The following VARS2 variants were observed in gnomAD, a reference collection of about 807,000 sequenced individuals.
VARS2 encodes the protein valyl-tRNA synthetase 2, mitochondrial, also known as valine--tRNA ligase, mitochondrial.
In VARS2, 105 loss-of-function variants were observed where a neutral mutation model predicts 154.1. That is an observed-to-expected ratio of 0.68 (90% CI 0.58 to 0.80). The LOEUF (loss-of-function observed/expected upper bound fraction) is 0.80, where lower values mean the gene tolerates loss of function less well. Among genes scored for constraint, VARS2 ranks in the 30% least tolerant of loss-of-function variants. The pLI is 0.00. For missense variants in VARS2, 1,157 were observed against 1,361.4 expected, an observed-to-expected ratio of 0.85 and a Z score of 2.36; for synonymous variants, 483 against 539.5, an observed-to-expected ratio of 0.90 and a Z score of 1.45.
At chr6:30,914,504 C>A in intron 1 of VARS2, 160 bp downstream of exon 1, 1 of 1,335,278 alleles carries the variant, frequency 7.5e-7, no homozygotes, top group South Asian at 2.1e-5. Flanking sequence ...GGACTCCTTG[C>A]TGGCTCTTGG....
At position 30,919,862 on chromosome 6, in the gene VARS2, A is replaced by G; in HGVS notation, c.1165+14A>G. 6.5e-7 allele frequency: 1 copy of G among 1,544,838 alleles called. No individual in the cohort carries two copies. The highest frequency in any genetic ancestry group is 8.8e-7 in the Non-Finnish European group (1 of 1,142,360). On this transcript the variant is annotated intron_variant, in intron 12 of 29. Transcript: ENST00000676266. The surrounding 1 kb of genome is among the most constrained non-coding windows in gnomAD (Gnocchi z 4.5). ...ATGTGGGCACGGGTGAGTGGAAGTC[A>G]GGGGAGGGAGAGAAAGTTGGGGGTC...
chr6:30,924,377 G>A lies in VARS2; in HGVS notation c.2490G>A (p.Trp830Ter). ...VYLEAVKPVL[W>*]HSPRPLGPPQ... ...AGGAGGCTGTGAAGCCCGTGCTGTG[G>A]CACTCGCCCCGCCCCCTGGGGCCCC... Residue 830 changes from tryptophan (W) to a stop codon, truncating the protein, a stop_gained, in exon 26 of 30, where the codon TGG (tryptophan) becomes TGA (stop). Transcript: ENST00000676266. LOFTEE classifies it high-confidence loss of function. The A allele has an allele frequency of 6.2e-7, 1 of 1,612,264 alleles. No individual in the cohort carries two copies. The highest frequency in any genetic ancestry group is 8.5e-7 in the Non-Finnish European group (1 of 1,179,978).
At position 30,914,662 on chromosome 6, in the gene VARS2, C is replaced by G. The variant is rs1794031599; in HGVS notation, c.-27-148C>G. 3 of 1,064,376 alleles carry G rather than the reference C, an allele frequency of 2.8e-6. 1 individual carries two copies. In the South Asian group the frequency reaches 5.0e-5, roughly 18 times the overall value. The allele number at this position is 1,064,376 out of a possible 1,614,324, so 65.9% of individuals were successfully genotyped here. On this transcript the variant is annotated intron_variant, in intron 1 of 29. Coordinates refer to ENST00000676266, the MANE Select transcript of VARS2 (RefSeq NM_020442.6). Reference sequence around the variant, plus strand: ...GCGCTGTCTGTCGATACCATGCACTCTAGCTCTCAAGGAGGAAAGGTTTTG... The same window carrying G: ...GCGCTGTCTGTCGATACCATGCACTGTAGCTCTCAAGGAGGAAAGGTTTTG...
rs1794430157 is a variant in VARS2, at chr6:30,920,359, A to G, written c.1320A>G (p.Glu440=). Residue 440 remains glutamate, a synonymous_variant, in exon 14 of 30, where the codon GAA becomes GAG. Coordinates refer to ENST00000676266, the MANE Select transcript of VARS2 (RefSeq NM_020442.6). This position sits in a 1 kb window ranked among gnomAD's most constrained non-coding sequence, Gnocchi z 4.6. ...GTCTTCACCGGTTTGTGGCCCGGGA[A>G]AAGATAATGTCTGTGCTGAGTGAAT... is the stretch of plus-strand genomic sequence containing the variant. The part of the protein sequence containing the change: ...LQGLHRFVAR[E]KIMSVLSEWG... 6.2e-7 allele frequency: 1 copy of G among 1,613,082 alleles called. No individual in the cohort carries two copies. The highest frequency in any genetic ancestry group is 8.5e-7 in the Non-Finnish European group (1 of 1,179,586).
In VARS2 at chr6:30,920,569, A is replaced by G. The variant is rs1794446565; in HGVS notation, c.1398-99A>G. On this transcript the variant is annotated intron_variant, in intron 14 of 29. Transcript: ENST00000676266. This position sits in a 1 kb window ranked among gnomAD's most constrained non-coding sequence, Gnocchi z 4.6. ...CCGTGTCGGTTTTATTCGCTATTGT[A>G]TCCTCAGTACCAAGGGCCTGGCATG... The G allele has an allele frequency of 2.2e-6, 3 of 1,353,144 alleles. No homozygotes were observed. The highest frequency in any genetic ancestry group is 2.0e-6 in the Non-Finnish European group (2 of 999,226). The allele number at this position is 1,353,144 out of a possible 1,614,324, so 83.8% of individuals were successfully genotyped here.
intron 28 of VARS2, 51 bp from the exon 29 acceptor site, chr6:30,925,829 A>G: frequency 6.2e-7 from 1 of 1,611,246 alleles, no homozygotes; most frequent in African/African-American, 1.3e-5. Context: ...TGGAGGATGG[A>G]GGCCTGGCAG....
chr6:30,925,209 C>A, intron 26 of VARS2, 65 bp from the exon 27 acceptor site: 1 of 1,245,644 alleles, frequency 8.0e-7, no homozygotes. Context: ...AGAAGAGAGC[C>A]AGCAGGGTTG....
Position 30,920,071 on chromosome 6 carries a change from A to G in VARS2, c.1166-18A>G, listed in dbSNP as rs1282380016. On this transcript the variant is annotated intron_variant, in intron 12 of 29. Coordinates refer to ENST00000676266, the MANE Select transcript of VARS2 (RefSeq NM_020442.6). This position sits in a 1 kb window ranked among gnomAD's most constrained non-coding sequence, Gnocchi z 4.6. ...GCCAAGGTCAGGTTCAGTACTCACC[A>G]TGGCTGTGCTCCCCAAGGGGCAGTG... 2 of 1,525,172 alleles carry G rather than the reference A, an allele frequency of 1.3e-6. No homozygotes were observed. Among genetic ancestry groups the G allele is most frequent in the African/African-American group, 2.8e-5 (2 of 72,086 alleles). The allele number at this position is 1,525,172 out of a possible 1,614,324, so 94.5% of individuals were successfully genotyped here.
chr6:30,916,744 G>A lies in VARS2; in HGVS notation c.672-134G>A. 1.2e-6 allele frequency: 1 copy of A among 808,310 alleles called. No homozygotes were observed. Among genetic ancestry groups the A allele is most frequent in the East Asian group, 2.6e-5 (1 of 38,898 alleles). 50.1% of individuals were successfully genotyped at this position (808,310 alleles called of 1,614,324 possible). ...TGGGTTTGTAAGTCCATTTCTATTA[G>A]CCTCTAGAGGCTAGATCAATGCCAT... On this transcript the variant is annotated intron_variant, in intron 7 of 29. Transcript: ENST00000676266. The surrounding 1 kb of genome is among the most constrained non-coding windows in gnomAD (Gnocchi z 4.0).
In VARS2 at chr6:30,921,210, C is replaced by T; in HGVS notation, c.1557-20C>T. On this transcript the variant is annotated intron_variant, in intron 16 of 29. Coordinates refer to ENST00000676266, the MANE Select transcript of VARS2 (RefSeq NM_020442.6). This position sits in a 1 kb window ranked among gnomAD's most constrained non-coding sequence, Gnocchi z 4.6. ...GGACTGACTGGTTATTCTAAGACTT[C>T]ACGAATGTCCTCCCGGCAGGGACTG... 6.2e-7 allele frequency: 1 copy of T among 1,614,064 alleles called. No homozygotes were observed. Among genetic ancestry groups the T allele is most frequent in the Non-Finnish European group, 8.5e-7 (1 of 1,180,004 alleles).
Position 30,916,277 on chromosome 6 carries a change from G to A in VARS2, c.671+28G>A, listed in dbSNP as rs1562448591. Reference sequence around the variant, plus strand: ...GAGTATGATGGGCAGGACTCGGGGGGCCCAGATGGCAGATTTGGTTTCTTG... The same window carrying A: ...GAGTATGATGGGCAGGACTCGGGGGACCCAGATGGCAGATTTGGTTTCTTG... On this transcript the variant is annotated intron_variant, in intron 7 of 29. Transcript: ENST00000676266. This position sits in a 1 kb window ranked among gnomAD's most constrained non-coding sequence, Gnocchi z 4.0. 2 of 1,576,678 alleles carry A rather than the reference G, an allele frequency of 1.3e-6. No individual in the cohort carries two copies. Among genetic ancestry groups the A allele is most frequent in the Non-Finnish European group, 1.7e-6 (2 of 1,158,852 alleles).
Position 30,915,829 on chromosome 6 carries a change from C to T in VARS2, c.468C>T (p.His156=), listed in dbSNP as rs781736453. The T allele has an allele frequency of 5.0e-6, 8 of 1,613,994 alleles. No homozygotes were observed. The highest frequency in any genetic ancestry group is 2.2e-5 in the East Asian group (1 of 44,880). Reference sequence around the variant, plus strand: ...TCACTGGCTCCCTGCACATTGGCCACGCACTCACGGTGGCCATACAGGATG... The same window carrying T: ...TCACTGGCTCCCTGCACATTGGCCATGCACTCACGGTGGCCATACAGGATG... ...PNVTGSLHIG[H]ALTVAIQDAL... is the part of the protein sequence containing the mutation. The change falls in exon 5 of 30, where the codon CAC becomes CAT. Residue 156 remains histidine (H), a synonymous_variant. Transcript: ENST00000676266.
chr6:30,919,053 C>T lies in VARS2; in HGVS notation c.1074+138C>T. 4.1e-6 allele frequency: 3 copies of T among 736,860 alleles called. No homozygotes were observed. The highest frequency in any genetic ancestry group is 6.7e-6 in the Non-Finnish European group (3 of 447,280). 45.6% of individuals were successfully genotyped at this position (736,860 alleles called of 1,614,324 possible). ...TTCTCTCAGTGGTTCTGATTGGACTCCCTCCTCCTCTTATAGTTTTTCTGT... is the reference window on the plus strand; with the variant it reads ...TTCTCTCAGTGGTTCTGATTGGACTTCCTCCTCCTCTTATAGTTTTTCTGT... On this transcript the variant is annotated intron_variant, in intron 11 of 29. Transcript: ENST00000676266. The surrounding 1 kb of genome is among the most constrained non-coding windows in gnomAD (Gnocchi z 4.5).
intron 27 of VARS2, 64 bp downstream of exon 27, chr6:30,925,449 C>A (rs2532939): frequency 1.3e-6 from 2 of 1,573,630 alleles, no homozygotes; most frequent in Non-Finnish European, 1.7e-6. Flanking sequence ...GGGAAAAGAG[C>A]AGAGCCTGAA....
chr6:30,920,726 G>T lies in VARS2; in HGVS notation c.1456G>T (p.Glu486Ter), dbSNP rs143821815. The change falls in exon 15 of 30, where the codon GAA becomes TAA. Residue 486 changes from glutamate (E) to a stop codon, truncating the protein, a stop_gained. Transcript: ENST00000676266. LOFTEE classifies it high-confidence loss of function. This position sits in a 1 kb window ranked among gnomAD's most constrained non-coding sequence, Gnocchi z 4.6. ...LKNQWFVRCQEMGARAAKAVE... is the reference protein window; with the variant it reads ...LKNQWFVRCQ ...GAACCAGTGGTTTGTCCGCTGCCAG[G>T]AAATGGGGGCCCGAGCTGCCAAGGT... 4.2e-5 allele frequency: 67 copies of T among 1,601,020 alleles called. No homozygotes were observed. Among genetic ancestry groups the T allele is most frequent in the Admixed American group, 2.8e-4 (16 of 58,024 alleles).
chr6:30,924,606 G>A, intron 26 of VARS2, 46 bp downstream of exon 26: 1 of 1,031,436 alleles, frequency 9.7e-7, no homozygotes, highest in Non-Finnish European at 1.4e-6. Flanking sequence ...GAATGGGGGG[G>A]AGCACCTTCT....
At position 30,914,956 on chromosome 6, in the gene VARS2, C is replaced by A. The variant is rs776515079; in HGVS notation, c.120C>A (p.Ser40=). Reference sequence around the variant, plus strand: ...CGGAGCCCCATGGATCTCCCATCTCCCGGAGGAACCGTGAAGCCAAACAGA... The same window carrying A: ...CGGAGCCCCATGGATCTCCCATCTCACGGAGGAACCGTGAAGCCAAACAGA... ...TQSEPHGSPI[S]RRNREAKQKR... is the part of the protein sequence containing the mutation. Residue 40 remains serine, a synonymous_variant, in exon 2 of 30, where the codon TCC becomes TCA. Coordinates refer to ENST00000676266, the MANE Select transcript of VARS2 (RefSeq NM_020442.6). 1.2e-5 allele frequency: 19 copies of A among 1,612,980 alleles called. No individual in the cohort carries two copies. The highest frequency in any genetic ancestry group is 1.5e-5 in the Non-Finnish European group (18 of 1,180,046).
In VARS2 at chr6:30,916,582, G is replaced by T; in HGVS notation, c.672-296G>T. The T allele has an allele frequency of 2.1e-6, 1 of 466,572 alleles. No homozygotes were observed. The highest frequency in any genetic ancestry group is 4.0e-5 in the South Asian group (1 of 25,268). 28.9% of individuals were successfully genotyped at this position (466,572 alleles called of 1,614,324 possible). A position where few individuals can be genotyped will look rare whatever the true frequency, so the allele number is the denominator to read the frequency against. Reference sequence around the variant, plus strand: ...CCATTCCCACCTTTCAATTCCCATGGAATTACCCTCATTCTTCTGGGTCTG... The same window carrying T: ...CCATTCCCACCTTTCAATTCCCATGTAATTACCCTCATTCTTCTGGGTCTG... On this transcript the variant is annotated intron_variant, in intron 7 of 29. Coordinates refer to ENST00000676266, the MANE Select transcript of VARS2 (RefSeq NM_020442.6). This position sits in a 1 kb window ranked among gnomAD's most constrained non-coding sequence, Gnocchi z 4.0.
Position 30,914,801 on chromosome 6 carries a change from C to A in VARS2, c.-27-9C>A, listed in dbSNP as rs774393242. The A allele has an allele frequency of 6.2e-7, 1 of 1,612,166 alleles. No homozygotes were observed. Among genetic ancestry groups the A allele is most frequent in the Non-Finnish European group, 8.5e-7 (1 of 1,179,360 alleles). On this transcript the variant is annotated splice_polypyrimidine_tract_variant and intron_variant, in intron 1 of 29. Coordinates refer to ENST00000676266, the MANE Select transcript of VARS2 (RefSeq NM_020442.6). ...ATATCCTAATGTGCTCTCTCTCTAT[C>A]CAGAACAGATCTCGGCCCCTTTCCA...
Sources: allele counts gnomAD v4.1 joint callset, GRCh38; gene constraint gnomAD v4.1.1; non-coding constraint Gnocchi (gnomAD v3.1); transcripts MANE v1.5; gene names NCBI Gene and HGNC (gene_info 2026-07-23, HGNC 2026-07-21).